SLX4IP: variants seen among roughly 807,000 people sequenced by gnomAD.
The protein encoded by SLX4IP is protein SLX4IP.
Under a neutral mutation model 32.9 loss-of-function variants are expected in SLX4IP, and 34 were observed. The observed-to-expected ratio is 1.03, with a 90% CI of 0.79 to 1.38. The LOEUF (loss-of-function observed/expected upper bound fraction) is 1.38, where lower values mean the gene tolerates loss of function less well. SLX4IP is among the 40% of genes most tolerant of loss of function. SLX4IP has a pLI of 0.00. For missense variants in SLX4IP, 444 were observed against 479.0 expected (o/e 0.93, Z 0.68); for synonymous variants, 172 against 171.7 (o/e 1.00, Z -0.01).
chr20:10,467,425 A>G (rs2065389171), intron 2 of SLX4IP, among the ~76,000 whole-genome samples: 1 of 152,238 alleles, frequency 6.6e-6, no homozygotes, highest in Non-Finnish European at 1.5e-5. Flanking sequence ...ATGATTTTAC[A>G]GAGATTTGTC....
At chr20:10,445,796 T>G (rs6074145) in intron 1 of SLX4IP, among the ~76,000 whole-genome samples, 74,212 of 151,318 alleles carry the variant, frequency 0.49, 19,645 homozygotes, top group Non-Finnish European at 0.6. Context: ...GGCTAATTTT[T>G]TGTATTTTTA....
At chr20:10,614,775 T>C (rs1399709167) in intron 6 of SLX4IP, among the ~76,000 whole-genome samples, 1 of 152,162 alleles carries the variant, frequency 6.6e-6, no homozygotes, top group South Asian at 2.1e-4. Flanking sequence ...GTGACAGTGG[T>C]GGGTGCCCCC....
intron 2 of SLX4IP, among the ~76,000 whole-genome samples, chr20:10,474,440 C>T (rs912754452): frequency 6.6e-6 from 1 of 152,192 alleles, no homozygotes; most frequent in Non-Finnish European, 1.5e-5. Context: ...TTTAATGAGG[C>T]CCCATACAAT....
intron 2 of SLX4IP, among the ~76,000 whole-genome samples, chr20:10,536,947 C>T (rs905568920): frequency 6.6e-5 from 10 of 152,152 alleles, no homozygotes; most frequent in Non-Finnish European, 8.8e-5. Flanking sequence ...CCTGTGAAAC[C>T]CTGTCTGGCT....
intron 2 of SLX4IP, among the ~76,000 whole-genome samples, chr20:10,493,971 T>G (rs1336121587): frequency 6.6e-6 from 1 of 150,786 alleles, no homozygotes; most frequent in Non-Finnish European, 1.5e-5. Flanking sequence ...GTTCTGGGAT[T>G]ACAGGAATGA....
chr20:10,560,462 A>G (rs1475018426), intron 3 of SLX4IP, among the ~76,000 whole-genome samples: 1 of 152,248 alleles, frequency 6.6e-6, no homozygotes, highest in Non-Finnish European at 1.5e-5. Flanking sequence ...TGAGGCAGAA[A>G]GAAATGAAAT....
At chr20:10,521,222 C>T (rs1014603550) in intron 2 of SLX4IP, among the ~76,000 whole-genome samples, 1 of 152,146 alleles carries the variant, frequency 6.6e-6, no homozygotes, top group Admixed American at 6.5e-5. Context: ...CCTGCCAGTC[C>T]ACTTCTCTCC....
intron 5 of SLX4IP, among the ~76,000 whole-genome samples, chr20:10,600,008 T>A (rs190808435): frequency 0.023 from 3,529 of 151,952 alleles, 104 homozygotes; most frequent in African/African-American, 0.069. Context: ...ATTCCAGTTC[T>A]GATCCACTAA....
chr20:10,564,150 A>G (rs1207857060), intron 4 of SLX4IP, among the ~76,000 whole-genome samples: 2 of 152,102 alleles, frequency 1.3e-5, no homozygotes, highest in South Asian at 2.1e-4. Context: ...ACCGTCTTAT[A>G]TTGTTTATTA....
intron 6 of SLX4IP, among the ~76,000 whole-genome samples, chr20:10,608,157 G>A (rs1015628716): frequency 1.3e-5 from 2 of 152,174 alleles, no homozygotes; most frequent in Non-Finnish European, 1.5e-5. Flanking sequence ...GAAAAACGTG[G>A]TGGGGAATAG....
intron 4 of SLX4IP, among the ~76,000 whole-genome samples, chr20:10,569,537 G>A (rs565783036): frequency 2.0e-4 from 31 of 152,206 alleles, no homozygotes; most frequent in South Asian, 1.2e-3. Context: ...ACCACAGGCC[G>A]AGTGGCTTAA....
intron 1 of SLX4IP, 49 bp from the exon 2 acceptor site, chr20:10,458,127 T>C (rs1568690021): frequency 1.6e-6 from 2 of 1,254,980 alleles, no homozygotes; most frequent in Non-Finnish European, 2.2e-6. Flanking sequence ...AATATCCAAA[T>C]AAAAAGAAAT....
At chr20:10,590,216 A>G (rs755810807) in intron 4 of SLX4IP, among the ~76,000 whole-genome samples, 11 of 151,976 alleles carry the variant, frequency 7.2e-5, no homozygotes, top group Non-Finnish European at 1.5e-4. Flanking sequence ...AATTATGAAA[A>G]CTTTGTAATT....
chr20:10,472,820 A>G, intron 2 of SLX4IP, among the ~76,000 whole-genome samples: 1 of 152,216 alleles, frequency 6.6e-6, no homozygotes, highest in South Asian at 2.1e-4. Flanking sequence ...GTTACCTGAT[A>G]CAGGCCTTTT....
At chr20:10,609,943 A>G (rs1186498904) in intron 6 of SLX4IP, among the ~76,000 whole-genome samples, 3 of 151,460 alleles carry the variant, frequency 2.0e-5, no homozygotes, top group African/African-American at 7.3e-5. Context: ...TAAAAAAAAA[A>G]TGTGTATTTT....
intron 4 of SLX4IP, among the ~76,000 whole-genome samples, chr20:10,570,423 C>T (rs778889327): frequency 2.0e-5 from 3 of 152,130 alleles, no homozygotes; most frequent in Non-Finnish European, 2.9e-5. Context: ...GGGGGATCAC[C>T]GGGCACAGGC....
At chr20:10,531,007 C>T (rs2065984201) in intron 2 of SLX4IP, among the ~76,000 whole-genome samples, 1 of 152,218 alleles carries the variant, frequency 6.6e-6, no homozygotes. Context: ...TATTCCTGTG[C>T]TAACTAGGTT....
chr20:10,581,642 GC>G (rs1312762845), intron 4 of SLX4IP, among the ~76,000 whole-genome samples: 2 of 152,166 alleles, frequency 1.3e-5, no homozygotes, highest in Non-Finnish European at 2.9e-5. Flanking sequence ...GAGGCCAGGT[GC>G]AGTGGCTCAT....
intron 2 of SLX4IP, among the ~76,000 whole-genome samples, chr20:10,469,168 C>G (rs1233150823): frequency 6.6e-6 from 1 of 152,328 alleles, no homozygotes. Flanking sequence ...CAGTACCCCC[C>G]ACTTTCCTTG....
Sources: gnomAD v4.1 joint callset for allele counts (sites outside exome capture counted in the v4.1 genomes callset) on GRCh38, gnomAD v4.1.1 for gene constraint, MANE v1.5 for transcripts, NCBI Gene and HGNC (gene_info 2026-07-23, HGNC 2026-07-21) for gene names.